SLC16A13: variants seen among roughly 807,000 people sequenced by gnomAD.
SLC16A13 encodes monocarboxylate transporter 13.
SLC16A13 carries 28 observed loss-of-function variants against 28.1 expected under a neutral mutation model. The ratio of observed to expected loss-of-function variants is 1.00; its 90% CI spans 0.74 to 1.37. SLC16A13 has a LOEUF of 1.37. SLC16A13 is among the 40% of genes most tolerant of loss of function. SLC16A13 has a pLI of 0.00. For missense variants in SLC16A13, 482 were observed against 531.8 expected, an observed-to-expected ratio of 0.91 and a Z score of 0.92; for synonymous variants, 228 against 241.6, an observed-to-expected ratio of 0.94 and a Z score of 0.52.
chr17:7,037,819 A>G (rs2151668541), intron 2 of SLC16A13, among the ~76,000 whole-genome samples: 1 of 152,350 alleles, frequency 6.6e-6, no homozygotes. Context: ...TTTAAAGCTT[A>G]TACAACTTGG....
Position 7,036,376 on chromosome 17 carries a change from C to T in SLC16A13, c.-7C>T, listed in dbSNP as rs776482970. ...CTCTGGGTGGCAGCAGCCCTGTTAC[C>T]GCTTAGATGGCGCGCAGGACAGAGC... is the stretch of plus-strand genomic sequence containing the variant. On this transcript the variant is annotated 5_prime_UTR_variant, in exon 1 of 4. Transcript: ENST00000308027. The T allele has an allele frequency of 6.2e-7, 1 of 1,603,574 alleles. No individual in the cohort carries two copies. Among genetic ancestry groups the T allele is most frequent in the Admixed American group, 1.7e-5 (1 of 58,466 alleles).
chr17:7,038,912 G>C lies in SLC16A13; in HGVS notation c.1081+23G>C. 6.3e-7 allele frequency: 1 copy of C among 1,583,450 alleles called. No homozygotes were observed. The highest frequency in any genetic ancestry group is 8.6e-7 in the Non-Finnish European group (1 of 1,165,738). ...CAGGTAAGTGGAATGGGGTTCCCAG[G>C]GGGTGAGGGCTGCCATGTTGCACAA... is the stretch of plus-strand genomic sequence containing the variant. On this transcript the variant is annotated intron_variant, in intron 3 of 3. Transcript: ENST00000308027. This position sits in a 1 kb window ranked among gnomAD's most constrained non-coding sequence, Gnocchi z 5.7.
chr17:7,036,509 G>T lies in SLC16A13; in HGVS notation c.127G>T (p.Ala43Ser), dbSNP rs757667908. The T allele has an allele frequency of 4.2e-5, 68 of 1,612,406 alleles. No individual in the cohort carries two copies. The highest frequency in any genetic ancestry group is 5.3e-5 in the Non-Finnish European group (63 of 1,180,050). ...TGGGGTCTTCTTCGTGGAGTTTGTG[G>T]CGGCGTTTGAGGAGCAGGCAGCGCG... ...SFGVFFVEFV[A>S]AFEEQAARVS... The change falls in exon 1 of 4, where the codon GCG becomes TCG. Residue 43 changes from alanine (A) to serine (S), a missense_variant. Ala to Ser is a moderately conservative substitution (Grantham distance 99). Coordinates refer to ENST00000308027, the MANE Select transcript of SLC16A13 (RefSeq NM_201566.3).
At chr17:7,036,677 G>T (rs781450312) in intron 1 of SLC16A13, 50 bp from the exon 2 acceptor site, 16 of 1,604,838 alleles carry the variant, frequency 1.0e-5, no homozygotes, top group South Asian at 6.6e-5. Context: ...GGGAGATGCT[G>T]GGGGGGAGAC....
rs781335702 is a variant in SLC16A13, at chr17:7,038,602, G to A, written c.794G>A (p.Gly265Glu). ...GTTGTTGCTATTTCTGACCTCGTGG[G>A]GCGTGTGGTCTCCGGATGGCTGGGA... Reference protein sequence around the residue: ...LSVVAISDLVGRVVSGWLGDA... With the variant: ...LSVVAISDLVERVVSGWLGDA... The change falls in exon 3 of 4, where the codon GGG (glycine) becomes GAG (glutamate). Residue 265 changes from glycine (G) to glutamate (E), a missense_variant. Gly to Glu is a moderately conservative substitution (Grantham distance 98, BLOSUM62 -2). Transcript: ENST00000308027. This position sits in a 1 kb window ranked among gnomAD's most constrained non-coding sequence, Gnocchi z 5.7. 6 of 1,614,024 alleles carry A rather than the reference G, an allele frequency of 3.7e-6. No homozygotes were observed. The African/African-American group carries it at 6.7e-5, about 18-fold the overall frequency.
rs1180935970 is a variant in SLC16A13, at chr17:7,036,202, C to T, written c.-181C>T. 1.6e-6 allele frequency: 1 copy of T among 624,378 alleles called. No homozygotes were observed. The highest frequency in any genetic ancestry group is 2.8e-6 in the Non-Finnish European group (1 of 362,172). 38.7% of individuals were successfully genotyped at this position (624,378 alleles called of 1,614,324 possible). Reference sequence around the variant, plus strand: ...GCCAGGTCTTCAGTCCTATATCGCCCCGCCTTGGGAAAAGGTGCAGGGGCC... The same window carrying T: ...GCCAGGTCTTCAGTCCTATATCGCCTCGCCTTGGGAAAAGGTGCAGGGGCC... On this transcript the variant is annotated 5_prime_UTR_variant, in exon 1 of 4. Coordinates refer to ENST00000308027, the MANE Select transcript of SLC16A13 (RefSeq NM_201566.3).
rs1167046890 is a variant in SLC16A13 at position 7,039,833 on chromosome 17, G to A, written c.1152G>A (p.Gly384=). The A allele has an allele frequency of 6.2e-7, 1 of 1,614,104 alleles. No homozygotes were observed. The highest frequency in any genetic ancestry group is 1.3e-5 in the African/African-American group (1 of 75,026). Residue 384 remains glycine (G), a synonymous_variant, in exon 4 of 4, where the codon GGG becomes GGA. Coordinates refer to ENST00000308027, the MANE Select transcript of SLC16A13 (RefSeq NM_201566.3). This position sits in a 1 kb window ranked among gnomAD's most constrained non-coding sequence, Gnocchi z 4.3. ...FVVAGAFLLS[G]SGILLTLPHF... is the part of the protein sequence containing the mutation. Reference sequence around the variant, plus strand: ...TGGCTGGGGCCTTCCTTCTTTCAGGGAGTGGCATTCTCCTCACCCTGCCCC... The same window carrying A: ...TGGCTGGGGCCTTCCTTCTTTCAGGAAGTGGCATTCTCCTCACCCTGCCCC...
chr17:7,036,635 T>C, intron 1 of SLC16A13, 54 bp downstream of exon 1: 1 of 1,609,324 alleles, frequency 6.2e-7, no homozygotes, highest in Non-Finnish European at 8.5e-7. Flanking sequence ...GGAGAGGGAA[T>C]GCGGCGACTG....
Position 7,038,924 on chromosome 17 carries a change from G to A in SLC16A13, c.1081+35G>A. The A allele has an allele frequency of 1.3e-6, 2 of 1,570,488 alleles. No homozygotes were observed. The highest frequency in any genetic ancestry group is 1.7e-6 in the Non-Finnish European group (2 of 1,160,398). On this transcript the variant is annotated intron_variant, in intron 3 of 3. Transcript: ENST00000308027. This position sits in a 1 kb window ranked among gnomAD's most constrained non-coding sequence, Gnocchi z 5.7. ...ATGGGGTTCCCAGGGGGTGAGGGCT[G>A]CCATGTTGCACAACTAGGGGAGGGT...
Position 7,036,275 on chromosome 17 carries a change from C to T in SLC16A13, c.-108C>T. The T allele has an allele frequency of 1.1e-5, 13 of 1,193,270 alleles. No individual in the cohort carries two copies. Among genetic ancestry groups the T allele is most frequent in the Non-Finnish European group, 1.4e-5 (12 of 850,834 alleles). 73.9% of individuals were successfully genotyped at this position (1,193,270 alleles called of 1,614,324 possible). ...TCCTCTCTACCTGCCTCTCCAACCC[C>T]TCTCGGCCCCGAGCCACCCGGCAGC... is the stretch of plus-strand genomic sequence containing the variant. On this transcript the variant is annotated 5_prime_UTR_variant, in exon 1 of 4. Coordinates refer to ENST00000308027, the MANE Select transcript of SLC16A13 (RefSeq NM_201566.3).
chr17:7,036,607 G>A (rs372710253), intron 1 of SLC16A13, 26 bp downstream of exon 1: 23 of 1,611,708 alleles, frequency 1.4e-5, no homozygotes, highest in Non-Finnish European at 1.9e-5. Context: ...GGATCTGGCG[G>A]ACTGCGACCC....
In SLC16A13 at chr17:7,036,577, T is replaced by C. The variant is rs1456220832; in HGVS notation, c.195T>C (p.Phe65=). 6.2e-7 allele frequency: 1 copy of C among 1,612,274 alleles called. No individual in the cohort carries two copies. Among genetic ancestry groups the C allele is most frequent in the Admixed American group, 1.7e-5 (1 of 60,022 alleles). Reference sequence around the variant, plus strand: ...CCATAGGAATCGCGGTGCAGCAGTTTGGGAGTGAGTGCGGCGCCTGGATCT... The same window carrying C: ...CCATAGGAATCGCGGTGCAGCAGTTCGGGAGTGAGTGCGGCGCCTGGATCT... The part of the protein sequence containing the change: ...IASIGIAVQQ[F]GSPVGSALST... The change falls in exon 1 of 4, where the codon TTT becomes TTC. Residue 65 remains phenylalanine (F), a synonymous_variant. Transcript: ENST00000308027.
rs867218691 is a variant in SLC16A13, at chr17:7,039,145, C to G, written c.1081+256C>G. ...CCTACGGCTTGGGTTTGCAGAGGAC[C>G]TGGCAGAACCTGGCCAGACACAGAC... On this transcript the variant is annotated intron_variant, in intron 3 of 3. Coordinates refer to ENST00000308027, the MANE Select transcript of SLC16A13 (RefSeq NM_201566.3). This position sits in a 1 kb window ranked among gnomAD's most constrained non-coding sequence, Gnocchi z 4.3. Among the ~76,000 whole-genome samples, 2 of 152,160 alleles carry G rather than the reference C, an allele frequency of 1.3e-5. No homozygotes were observed. Among genetic ancestry groups the G allele is most frequent in the African/African-American group, 4.8e-5 (2 of 41,424 alleles).
rs1910634651 is a variant in SLC16A13 at position 7,038,280 on chromosome 17, T to C, written c.472T>C (p.Phe158Leu). 1 of 1,613,840 alleles carries C rather than the reference T, an allele frequency of 6.2e-7. No homozygotes were observed. The highest frequency in any genetic ancestry group is 1.1e-5 in the South Asian group (1 of 91,082). The change falls in exon 3 of 4, where the codon TTT (phenylalanine) becomes CTT (leucine). Residue 158 changes from phenylalanine (F) to leucine (L), a missense_variant. Coordinates refer to ENST00000308027, the MANE Select transcript of SLC16A13 (RefSeq NM_201566.3). This position sits in a 1 kb window ranked among gnomAD's most constrained non-coding sequence, Gnocchi z 5.7. ...CCTCTCCTCCTTCACATTTGCCCCC[T>C]TTTTCCAGTGGCTGCTCAGCCACTA... ...VGLSSFTFAP[F>L]FQWLLSHYAW...
chr17:7,038,420 G>A lies in SLC16A13; in HGVS notation c.612G>A (p.Arg204=). 1 of 1,613,990 alleles carries A rather than the reference G, an allele frequency of 6.2e-7. No individual in the cohort carries two copies. Among genetic ancestry groups the A allele is most frequent in the Non-Finnish European group, 8.5e-7 (1 of 1,179,972 alleles). ...LAEDPAVGGP[R]AQLTSLLHHG... is the part of the protein sequence containing the mutation. ...AGGACCCTGCTGTGGGTGGTCCCAG[G>A]GCCCAACTCACCTCTCTCCTCCATC... Residue 204 remains arginine, a synonymous_variant, in exon 3 of 4, where the codon AGG becomes AGA. Transcript: ENST00000308027. The surrounding 1 kb of genome is among the most constrained non-coding windows in gnomAD (Gnocchi z 5.7).
chr17:7,039,383 C>G lies in SLC16A13; in HGVS notation c.1082-380C>G, dbSNP rs900493866. ...GCTGAGGCAGGAGAATGGCATGAACCCGGGAGGCGGAGCTTGCAGTGAGCT... is the reference window on the plus strand; with the variant it reads ...GCTGAGGCAGGAGAATGGCATGAACGCGGGAGGCGGAGCTTGCAGTGAGCT... On this transcript the variant is annotated intron_variant, in intron 3 of 3. Transcript: ENST00000308027. This position sits in a 1 kb window ranked among gnomAD's most constrained non-coding sequence, Gnocchi z 4.3. 2.6e-5 allele frequency among the ~76,000 whole-genome samples: 4 copies of G among 151,864 alleles called. No individual in the cohort carries two copies. The highest frequency in any genetic ancestry group is 7.3e-5 in the African/African-American group (3 of 41,292).
intron 2 of SLC16A13, among the ~76,000 whole-genome samples, chr17:7,037,886 G>C (rs1910625585): frequency 6.6e-6 from 1 of 152,326 alleles, no homozygotes; most frequent in Admixed American, 6.5e-5. Context: ...CCAAAGTTCT[G>C]TGCTAGTTAC....
chr17:7,036,848 C>T lies in SLC16A13; in HGVS notation c.321C>T (p.Tyr107=), dbSNP rs755747172. 6.2e-7 allele frequency: 1 copy of T among 1,613,372 alleles called. No individual in the cohort carries two copies. Among genetic ancestry groups the T allele is most frequent in the Admixed American group, 1.7e-5 (1 of 60,034 alleles). ...ASFATSLTHL[Y]LSIGLLSGSG... ...TTGCTACTTCCTTGACCCACCTATA[C>T]CTGAGTATTGGGTTGCTGTCAGGTG... The change falls in exon 2 of 4, where the codon TAC becomes TAT. Residue 107 remains tyrosine (Y), a synonymous_variant. Transcript: ENST00000308027.
chr17:7,038,939 T>G lies in SLC16A13; in HGVS notation c.1081+50T>G. On this transcript the variant is annotated intron_variant, in intron 3 of 3. Transcript: ENST00000308027. This position sits in a 1 kb window ranked among gnomAD's most constrained non-coding sequence, Gnocchi z 5.7. ...GGTGAGGGCTGCCATGTTGCACAACTAGGGGAGGGTACTATTCTCATTACA... is the reference window on the plus strand; with the variant it reads ...GGTGAGGGCTGCCATGTTGCACAACGAGGGGAGGGTACTATTCTCATTACA... The G allele has an allele frequency of 6.4e-7, 1 of 1,555,576 alleles. No individual in the cohort carries two copies. Among genetic ancestry groups the G allele is most frequent in the Non-Finnish European group, 8.7e-7 (1 of 1,154,264 alleles).
Sources: allele counts gnomAD v4.1 joint callset (sites outside exome capture counted in the v4.1 genomes callset), GRCh38; gene constraint gnomAD v4.1.1; non-coding constraint Gnocchi (gnomAD v3.1); transcripts MANE v1.5; gene names NCBI Gene and HGNC (gene_info 2026-07-23, HGNC 2026-07-21).